RABGAP1: variants seen among roughly 807,000 people sequenced by gnomAD.
RABGAP1 encodes RAB GTPase activating protein 1.
RABGAP1 carries 23 observed loss-of-function variants against 137.6 expected under a neutral mutation model. The ratio of observed to expected loss-of-function variants is 0.17; its 90% CI spans 0.12 to 0.24. RABGAP1 has a LOEUF of 0.24. Ranked by LOEUF, RABGAP1 falls within the 10% of genes least tolerant of loss-of-function variation. The pLI is 1.00. For missense variants in RABGAP1, 906 were observed against 1,275.8 expected, an observed-to-expected ratio of 0.71 and a Z score of 4.42; for synonymous variants, 451 against 450.7, an observed-to-expected ratio of 1.00 and a Z score of -0.01.
At chr9:123,077,168 T>C (rs984681544) in intron 19 of RABGAP1, among the ~76,000 whole-genome samples, 1 of 151,322 alleles carries the variant, frequency 6.6e-6, no homozygotes, top group African/African-American at 2.4e-5. Context: ...GTTTTTGTTT[T>C]TTTTTTTTTC....
At chr9:122,960,521 A>G (rs1163832132) in intron 2 of RABGAP1, among the ~76,000 whole-genome samples, 1 of 152,218 alleles carries the variant, frequency 6.6e-6, no homozygotes, top group Non-Finnish European at 1.5e-5. Context: ...CCCAATAAAC[A>G]AGCATCAACA....
chr9:122,982,728 A>AT (rs1836140614), intron 2 of RABGAP1, among the ~76,000 whole-genome samples: 1 of 152,100 alleles, frequency 6.6e-6, no homozygotes, highest in Non-Finnish European at 1.5e-5. Context: ...CTTTAGTTGG[A>AT]TTTTTAGGTG....
chr9:123,092,849 G>T (rs1033445950), intron 21 of RABGAP1, among the ~76,000 whole-genome samples: 2 of 152,170 alleles, frequency 1.3e-5, no homozygotes, highest in African/African-American at 4.8e-5. Flanking sequence ...CCAGCTAGTG[G>T]CCAAGCCCTC....
At chr9:123,052,711 C>T (rs1030115513) in intron 13 of RABGAP1, among the ~76,000 whole-genome samples, 2 of 152,196 alleles carry the variant, frequency 1.3e-5, no homozygotes, top group African/African-American at 4.8e-5. Flanking sequence ...GAGCAGATCA[C>T]TTGAGGCTAG....
intron 11 of RABGAP1, among the ~76,000 whole-genome samples, chr9:123,012,736 T>C (rs906146529): frequency 2.0e-5 from 3 of 152,210 alleles, no homozygotes; most frequent in Admixed American, 6.5e-5. Flanking sequence ...ACATCTGATA[T>C]GTAGTTGGTG....
intron 11 of RABGAP1, among the ~76,000 whole-genome samples, chr9:123,013,465 G>A (rs1248244205): frequency 6.6e-6 from 1 of 151,924 alleles, no homozygotes; most frequent in African/African-American, 2.4e-5. Flanking sequence ...CTGAGTAGCT[G>A]GGATTACAGG....
chr9:123,042,294 G>C (rs756922433), intron 13 of RABGAP1, among the ~76,000 whole-genome samples: 10 of 152,164 alleles, frequency 6.6e-5, no homozygotes, highest in Non-Finnish European at 1.3e-4. Context: ...CATGCACACA[G>C]AGCTCACAGT....
intron 14 of RABGAP1, among the ~76,000 whole-genome samples, chr9:123,067,833 C>T (rs868638240): frequency 1.8e-4 from 27 of 152,178 alleles, no homozygotes; most frequent in African/African-American, 5.6e-4. Flanking sequence ...TAATTTCACA[C>T]GTATATGATT....
At chr9:122,979,415 C>T (rs1835936924) in intron 2 of RABGAP1, among the ~76,000 whole-genome samples, 1 of 152,088 alleles carries the variant, frequency 6.6e-6, no homozygotes, top group South Asian at 2.1e-4. Flanking sequence ...ATGTTTTCTC[C>T]AGGTCTGGCT....
At chr9:123,090,249 G>A in intron 20 of RABGAP1, 26 bp from the exon 21 acceptor site, 1 of 1,551,906 alleles carries the variant, frequency 6.4e-7, no homozygotes. Flanking sequence ...TTATGTGTCT[G>A]TAACTGGTTT....
chr9:122,998,616 C>T lies in RABGAP1; in HGVS notation c.1224C>T (p.Thr408=), dbSNP rs1471024361. 1 of 1,601,326 alleles carries T rather than the reference C, an allele frequency of 6.2e-7. No individual in the cohort carries two copies. The highest frequency in any genetic ancestry group is 1.1e-5 in the South Asian group (1 of 89,122). The change falls in exon 10 of 26, where the codon ACC becomes ACT. Residue 408 remains threonine, a synonymous_variant. Transcript: ENST00000373647. ...GTTTAGATAAAGTCCTGTTTATGAC[C>T]ACAGCTGTAGATTTGGTAATAACAG... ...ETPKDKVLFM[T]TAVDLVITEV...
At chr9:123,055,304 A>G (rs751640604) in intron 13 of RABGAP1, among the ~76,000 whole-genome samples, 12 of 151,948 alleles carry the variant, frequency 7.9e-5, no homozygotes, top group Admixed American at 2.0e-4. Context: ...CAGTCCTCCC[A>G]CCTCAGCCCC....
chr9:122,953,691 GC>G (rs1375477486), intron 1 of RABGAP1, among the ~76,000 whole-genome samples: 13 of 152,288 alleles, frequency 8.5e-5, no homozygotes, highest in African/African-American at 2.9e-4. Flanking sequence ...GAGCCACTGC[GC>G]CCGCCCGGAA....
At chr9:122,952,113 G>A (rs1834283615) in intron 1 of RABGAP1, among the ~76,000 whole-genome samples, 1 of 152,180 alleles carries the variant, frequency 6.6e-6, no homozygotes, top group Admixed American at 6.5e-5. Flanking sequence ...TAGGTGTGAT[G>A]GAAGAGGCTG....
intron 1 of RABGAP1, among the ~76,000 whole-genome samples, chr9:122,941,483 G>A (rs564310175): frequency 2.7e-4 from 41 of 152,220 alleles, no homozygotes; most frequent in African/African-American, 7.2e-4. Flanking sequence ...GCTCCCCCCC[G>A]CCTCAGTTTC....
At chr9:123,013,209 T>TC (rs879639872) in intron 11 of RABGAP1, among the ~76,000 whole-genome samples, 1 of 152,156 alleles carries the variant, frequency 6.6e-6, no homozygotes, top group Non-Finnish European at 1.5e-5. Flanking sequence ...TAGCCACCTT[T>TC]CCCCAAAGAG....
intron 2 of RABGAP1, among the ~76,000 whole-genome samples, chr9:122,965,623 A>G (rs1211045909): frequency 6.6e-6 from 1 of 152,202 alleles, no homozygotes; most frequent in Non-Finnish European, 1.5e-5. Flanking sequence ...ACCTCAGGTG[A>G]TCCGCCTGCC....
At chr9:123,066,343 C>T (rs559135343) in intron 14 of RABGAP1, among the ~76,000 whole-genome samples, 1 of 152,342 alleles carries the variant, frequency 6.6e-6, no homozygotes, top group South Asian at 2.1e-4. Context: ...AGCCCCTTCT[C>T]AGTTTTATTT....
intron 21 of RABGAP1, among the ~76,000 whole-genome samples, chr9:123,093,375 A>C (rs2035086339): frequency 6.6e-6 from 1 of 152,202 alleles, no homozygotes; most frequent in Non-Finnish European, 1.5e-5. Flanking sequence ...TGGTGTTAAA[A>C]GGATGAGGGG....
Sources: allele counts gnomAD v4.1 joint callset (sites outside exome capture counted in the v4.1 genomes callset), GRCh38; gene constraint gnomAD v4.1.1; transcripts MANE v1.5; gene names NCBI Gene and HGNC (gene_info 2026-07-23, HGNC 2026-07-21).